Variants in DCUN1D3 observed in about 807,000 individuals in gnomAD.
The protein encoded by DCUN1D3 is defective in cullin neddylation 1 domain containing 3, also known as DCN1-like protein 3.
In DCUN1D3, 6 loss-of-function variants were observed where a neutral mutation model predicts 24.8. That is an observed-to-expected ratio of 0.24 (90% confidence interval 0.13 to 0.48). The LOEUF is 0.48. DCUN1D3 is among the 20% of genes least tolerant of loss of function. The pLI is 0.99. For missense variants in DCUN1D3, 258 were observed against 379.4 expected (o/e 0.68, Z 2.66); for synonymous variants, 120 against 144.9 (o/e 0.83, Z 1.24).
chr16:20,861,573 G>C (rs1347724013), intron 2 of DCUN1D3, among the ~76,000 whole-genome samples: 2 of 152,140 alleles, frequency 1.3e-5, no homozygotes, highest in Non-Finnish European at 2.9e-5. Flanking sequence ...AGGAGTAAAA[G>C]AAAAGAAAGG....
Position 20,855,864 on chromosome 16 carries a change from CT to C in DCUN1D3, c.*4021del, listed in dbSNP as rs2081700124. The C allele has an allele frequency of 6.6e-6, 1 of 152,166 alleles. No individual in the cohort carries two copies. The highest frequency in any genetic ancestry group is 1.5e-5 in the Non-Finnish European group (1 of 68,028). 9.4% of individuals were successfully genotyped at this position (152,166 alleles called of 1,614,324 possible). ...ACACAATTCAACAACCTTAATAGTCCTTTCAGTCGTTTAAACAAGATACTGC... is the reference window on the plus strand; with the variant it reads ...ACACAATTCAACAACCTTAATAGTCCTTCAGTCGTTTAAACAAGATACTGC... On this transcript the variant is annotated 3_prime_UTR_variant, in exon 3 of 3. Coordinates refer to ENST00000324344, the MANE Select transcript of DCUN1D3 (RefSeq NM_173475.4).
intron 2 of DCUN1D3, among the ~76,000 whole-genome samples, chr16:20,861,749 C>CCA (rs1567421162): frequency 8.6e-6 from 1 of 116,178 alleles, no homozygotes; most frequent in African/African-American, 3.0e-5. Context: ...CGTTATTCTG[C>CCA]AAAAAAAAAA....
intron 1 of DCUN1D3, chr16:20,868,841 G>A (rs1215927623): frequency 1.3e-5 from 2 of 152,200 alleles, no homozygotes; most frequent in East Asian, 1.9e-4. Flanking sequence ...CATGCACTGG[G>A]GAAACCAACT....
Position 20,862,147 on chromosome 16 carries a change from G to A in DCUN1D3, c.392C>T (p.Ala131Val), listed in dbSNP as rs776344865. 6.2e-7 allele frequency: 1 copy of A among 1,614,234 alleles called. No individual in the cohort carries two copies. Among genetic ancestry groups the A allele is most frequent in the Non-Finnish European group, 8.5e-7 (1 of 1,180,054 alleles). Reference sequence around the variant, plus strand: ...CATGGTTGCAGCCTGGAACTTCCAAGCCAAGAGCAGCACTCGAAATTCTGT... The same window carrying A: ...CATGGTTGCAGCCTGGAACTTCCAAACCAAGAGCAGCACTCGAAATTCTGT... The part of the protein sequence containing the change: ...DPTEFRVLLL[A>V]WKFQAATMCK... The change falls in exon 2 of 3, where the codon GCT becomes GTT. Residue 131 changes from alanine to valine, a missense_variant. Physicochemically the swap from Ala to Val is moderately conservative, Grantham distance 64. Transcript: ENST00000324344.
At chr16:20,889,224 CAAAAAA>C (rs398028978) in intron 1 of DCUN1D3, among the ~76,000 whole-genome samples, 12 of 109,862 alleles carry the variant, frequency 1.1e-4, no homozygotes, top group Admixed American at 6.9e-4. Context: ...GACTCCATCT[CAAAAAA>C]AAAAAAAAAA....
intron 1 of DCUN1D3, among the ~76,000 whole-genome samples, chr16:20,867,343 A>G (rs1306940429): frequency 6.6e-6 from 1 of 152,112 alleles, no homozygotes; most frequent in East Asian, 1.9e-4. Flanking sequence ...GAGAGAACAC[A>G]TGGTCTGTGC....
chr16:20,893,479 A>G (rs2081901466), intron 1 of DCUN1D3, among the ~76,000 whole-genome samples: 1 of 152,184 alleles, frequency 6.6e-6, no homozygotes, highest in Non-Finnish European at 1.5e-5. Context: ...TGCCTGGCCT[A>G]CTTATTTTTC....
In DCUN1D3 at chr16:20,884,170, C is replaced by T. The variant is rs546151162; in HGVS notation, c.-106+16034G>A. ...AAATGTGTGGTCTCGAATGCTCATA[C>T]TTCTTATGGAGATTATACGACCATG... On this transcript the variant is annotated intron_variant, in intron 1 of 2. Coordinates refer to ENST00000324344, the MANE Select transcript of DCUN1D3 (RefSeq NM_173475.4). 2.3e-3 allele frequency among the ~76,000 whole-genome samples: 357 copies of T among 152,272 alleles called. 2 individuals are homozygous for T. Among genetic ancestry groups the T allele is most frequent in the African/African-American group, 8.3e-3 (345 of 41,552 alleles).
Position 20,900,304 on chromosome 16 carries a change from T to A in DCUN1D3, c.-206A>T, listed in dbSNP as rs1391921814. ...TCCCCGCTCGCGTTTCCAGGCTCCC[T>A]ACCCCCGCCGCCGCCGCCTCTTCTT... On this transcript the variant is annotated 5_prime_UTR_variant, in exon 1 of 3. It removes the in-frame stop codon of an upstream open reading frame in the 5' UTR. Coordinates refer to ENST00000324344, the MANE Select transcript of DCUN1D3 (RefSeq NM_173475.4). 6.6e-6 allele frequency: 1 copy of A among 150,452 alleles called. No homozygotes were observed. Among genetic ancestry groups the A allele is most frequent in the Non-Finnish European group, 1.5e-5 (1 of 67,756 alleles). 9.3% of individuals were successfully genotyped at this position (150,452 alleles called of 1,614,324 possible). A position where few individuals can be genotyped will look rare whatever the true frequency, so the allele number is the denominator to read the frequency against.
chr16:20,862,558 C>T lies in DCUN1D3; in HGVS notation c.-20G>A. The T allele has an allele frequency of 1.3e-6, 2 of 1,588,600 alleles. No homozygotes were observed. Among genetic ancestry groups the T allele is most frequent in the Non-Finnish European group, 1.7e-6 (2 of 1,173,698 alleles). On this transcript the variant is annotated 5_prime_UTR_variant, in exon 2 of 3. An upstream open reading frame in the 5' UTR loses its in-frame stop. Coordinates refer to ENST00000324344, the MANE Select transcript of DCUN1D3 (RefSeq NM_173475.4). ...GCCCATGGTGCTGGTGGCCTGGCCT[C>T]TAGAGTGGACCCCTCTGGATTGGAT... is the stretch of plus-strand genomic sequence containing the variant.
intron 1 of DCUN1D3, among the ~76,000 whole-genome samples, chr16:20,880,059 C>T (rs1282353740): frequency 1.3e-5 from 2 of 152,134 alleles, no homozygotes; most frequent in Non-Finnish European, 2.9e-5. Flanking sequence ...CCCAGTAAGT[C>T]CTTAAACCGA....
At chr16:20,873,840 G>A (rs1412768201) in intron 1 of DCUN1D3, among the ~76,000 whole-genome samples, 4 of 152,068 alleles carry the variant, frequency 2.6e-5, no homozygotes, top group African/African-American at 9.7e-5. Flanking sequence ...AGAATGCCTA[G>A]GGGGTCACTG....
chr16:20,873,493 T>C (rs1002964824), intron 1 of DCUN1D3, among the ~76,000 whole-genome samples: 2 of 152,214 alleles, frequency 1.3e-5, no homozygotes, highest in East Asian at 1.9e-4. Flanking sequence ...AAATGGTCAA[T>C]GGGCTGGATT....
At position 20,857,897 on chromosome 16, in the gene DCUN1D3, CTCT is replaced by C. The variant is rs2081710144; in HGVS notation, c.*1986_*1988del. ...TTTAGAAAAATACCAACTGCCAAAACTCTTTAATAATCCTTAAGATGGGAGCCC... is the reference window on the plus strand; with the variant it reads ...TTTAGAAAAATACCAACTGCCAAAACTTAATAATCCTTAAGATGGGAGCCC... On this transcript the variant is annotated 3_prime_UTR_variant, in exon 3 of 3. Transcript: ENST00000324344. The C allele has an allele frequency of 6.6e-6, 1 of 152,176 alleles. No individual in the cohort carries two copies. The highest frequency in any genetic ancestry group is 6.5e-5 in the Admixed American group (1 of 15,270). The allele number at this position is 152,176 out of a possible 1,614,324, so 9.4% of individuals were successfully genotyped here.
chr16:20,885,830 G>T (rs1351059044), intron 1 of DCUN1D3, among the ~76,000 whole-genome samples: 1 of 152,174 alleles, frequency 6.6e-6, no homozygotes, highest in South Asian at 2.1e-4. Context: ...TCACCAGGAA[G>T]AAGTAATCTA....
At chr16:20,870,945 T>G (rs1596632223) in intron 1 of DCUN1D3, among the ~76,000 whole-genome samples, 1 of 151,594 alleles carries the variant, frequency 6.6e-6, no homozygotes, top group South Asian at 2.1e-4. Context: ...CTCCGGAGAG[T>G]CTCAAGGACC....
intron 1 of DCUN1D3, among the ~76,000 whole-genome samples, chr16:20,899,475 C>G (rs1397615401): frequency 6.6e-6 from 1 of 152,020 alleles, no homozygotes; most frequent in Non-Finnish European, 1.5e-5. Context: ...GGGATAGAGG[C>G]TGAACACCAA....
At chr16:20,874,006 G>A (rs2081802332) in intron 1 of DCUN1D3, among the ~76,000 whole-genome samples, 1 of 152,216 alleles carries the variant, frequency 6.6e-6, no homozygotes, top group African/African-American at 2.4e-5. Flanking sequence ...TGTTCCTAGA[G>A]TCAAGATCAA....
intron 1 of DCUN1D3, among the ~76,000 whole-genome samples, chr16:20,897,490 T>C (rs1470138968): frequency 2.6e-5 from 4 of 152,154 alleles, no homozygotes; most frequent in African/African-American, 7.2e-5. Context: ...CTGAGTGTTA[T>C]TAGTCATCAG....
Sources: gnomAD v4.1 joint callset for allele counts (sites outside exome capture counted in the v4.1 genomes callset) on GRCh38, gnomAD v4.1.1 for gene constraint, MANE v1.5 for transcripts, NCBI Gene and HGNC (gene_info 2026-07-23, HGNC 2026-07-21) for gene names.